PCDH9: variants seen among roughly 807,000 people sequenced by gnomAD.
PCDH9 encodes the protein protocadherin 9, also known as protocadherin-9.
PCDH9 carries 24 observed loss-of-function variants against 70.6 expected under a neutral mutation model. The ratio of observed to expected loss-of-function variants is 0.34; its 90% CI spans 0.25 to 0.48. The LOEUF (loss-of-function observed/expected upper bound fraction) is 0.48. Among genes scored for constraint, PCDH9 ranks in the 20% least tolerant of loss-of-function variants. PCDH9 has a pLI of 0.99. For synonymous variants in PCDH9, 562 were observed against 558.5 expected, an observed-to-expected ratio of 1.01 and a Z score of -0.09; for missense variants, 1,281 against 1,503.6, an observed-to-expected ratio of 0.85 and a Z score of 2.45.
chr13:66,431,555 T>C (rs1957770926), intron 4 of PCDH9, among the ~76,000 whole-genome samples: 1 of 152,082 alleles, frequency 6.6e-6, no homozygotes. Context: ...GCATCGTATC[T>C]AATTTGGCAG....
chr13:66,503,503 TTTC>T (rs1422658598), intron 4 of PCDH9, among the ~76,000 whole-genome samples: 1 of 152,224 alleles, frequency 6.6e-6, no homozygotes, highest in African/African-American at 2.4e-5. Flanking sequence ...GTGTTTATTT[TTTC>T]TTCTTTTAAT....
intron 2 of PCDH9, among the ~76,000 whole-genome samples, chr13:67,132,232 T>G (rs2087126795): frequency 6.6e-6 from 1 of 152,154 alleles, no homozygotes; most frequent in African/African-American, 2.4e-5. Flanking sequence ...CAATTTTCAT[T>G]TCTTCCCGAT....
chr13:67,084,997 A>AAAAATATAT (rs1566414172), intron 2 of PCDH9, among the ~76,000 whole-genome samples: 1 of 33,198 alleles, frequency 3.0e-5, no homozygotes, highest in African/African-American at 1.2e-4. Context: ...AAAAAAAAAA[A>AAAAATATAT]ATATATATAT....
At chr13:66,361,524 AT>A (rs1956470264) in intron 4 of PCDH9, among the ~76,000 whole-genome samples, 1 of 152,018 alleles carries the variant, frequency 6.6e-6, no homozygotes, top group African/African-American at 2.4e-5. Context: ...TCTGAACAGG[AT>A]TTTTTTTCTA....
chr13:66,601,771 A>G (rs1249354661), intron 4 of PCDH9, among the ~76,000 whole-genome samples: 1 of 145,948 alleles, frequency 6.9e-6, no homozygotes, highest in Non-Finnish European at 1.5e-5. Context: ...GGAACTGAGA[A>G]AATCCTATTG....
intron 2 of PCDH9, among the ~76,000 whole-genome samples, chr13:67,089,221 A>G (rs144532176): frequency 2.8e-3 from 425 of 152,206 alleles, no homozygotes; most frequent in African/African-American, 9.5e-3. Flanking sequence ...AGAGATTCAA[A>G]TATCACATTT....
intron 2 of PCDH9, among the ~76,000 whole-genome samples, chr13:66,979,093 C>T (rs940650101): frequency 1.3e-4 from 20 of 151,802 alleles, no homozygotes; most frequent in African/African-American, 2.9e-4. Context: ...TGTTTTGTTT[C>T]GACAAGTTAT....
chr13:66,844,006 A>G (rs936238345), intron 3 of PCDH9, among the ~76,000 whole-genome samples: 1 of 152,100 alleles, frequency 6.6e-6, no homozygotes, highest in Non-Finnish European at 1.5e-5. Context: ...TTCACTTTCT[A>G]ATACATTTTT....
intron 3 of PCDH9, among the ~76,000 whole-genome samples, chr13:66,673,439 AG>A (rs1423635804): frequency 3.9e-5 from 6 of 152,128 alleles, no homozygotes; most frequent in African/African-American, 9.7e-5. Flanking sequence ...ATTTCTTCAT[AG>A]CATTATGAAA....
intron 3 of PCDH9, among the ~76,000 whole-genome samples, chr13:66,661,135 T>C (rs972915262): frequency 1.1e-4 from 17 of 152,252 alleles, no homozygotes; most frequent in African/African-American, 4.1e-4. Context: ...GGTTTAGCAA[T>C]AGCCATAATT....
At chr13:66,706,890 G>A (rs2078718899) in intron 3 of PCDH9, among the ~76,000 whole-genome samples, 1 of 152,174 alleles carries the variant, frequency 6.6e-6, no homozygotes, top group South Asian at 2.1e-4. Context: ...CAGTCATGGA[G>A]ACTCCCATAT....
At chr13:66,897,450 T>G (rs1208454656) in intron 3 of PCDH9, among the ~76,000 whole-genome samples, 1 of 152,100 alleles carries the variant, frequency 6.6e-6, no homozygotes, top group Non-Finnish European at 1.5e-5. Context: ...TTAAGGAACA[T>G]ATTGATGGCC....
chr13:67,164,348 G>A (rs750178035), intron 2 of PCDH9, among the ~76,000 whole-genome samples: 24 of 152,182 alleles, frequency 1.6e-4, no homozygotes, highest in Non-Finnish European at 3.1e-4. Flanking sequence ...AGGCCGAGAT[G>A]GGTGGATCAC....
At chr13:66,498,118 C>A (rs1300139903) in intron 4 of PCDH9, among the ~76,000 whole-genome samples, 1 of 151,564 alleles carries the variant, frequency 6.6e-6, no homozygotes, top group East Asian at 1.9e-4. Flanking sequence ...CCACGCCCAG[C>A]CCAAACTCTT....
intron 2 of PCDH9, among the ~76,000 whole-genome samples, chr13:66,920,346 G>A (rs2082619309): frequency 6.6e-6 from 1 of 151,026 alleles, no homozygotes; most frequent in African/African-American, 2.4e-5. Context: ...CTAAACCTCA[G>A]GACCCTTATC....
chr13:66,790,959 A>C (rs1449569196), intron 3 of PCDH9, among the ~76,000 whole-genome samples: 1 of 152,148 alleles, frequency 6.6e-6, no homozygotes, highest in Non-Finnish European at 1.5e-5. Flanking sequence ...CATAACACAG[A>C]AAAGTTAATA....
At chr13:66,534,697 T>C (rs1422855791) in intron 4 of PCDH9, among the ~76,000 whole-genome samples, 1 of 152,150 alleles carries the variant, frequency 6.6e-6, no homozygotes, top group Non-Finnish European at 1.5e-5. Flanking sequence ...ATATTTTTCT[T>C]TAAGTTATGA....
intron 4 of PCDH9, among the ~76,000 whole-genome samples, chr13:66,406,826 T>C (rs959534706): frequency 7.9e-5 from 12 of 152,166 alleles, no homozygotes; most frequent in Admixed American, 1.3e-4. Flanking sequence ...TATATTAAAT[T>C]AATAAATGCC....
intron 4 of PCDH9, among the ~76,000 whole-genome samples, chr13:66,408,587 C>A (rs1652189847): frequency 6.6e-6 from 1 of 152,180 alleles, no homozygotes; most frequent in Non-Finnish European, 1.5e-5. Flanking sequence ...GTAGAACCTA[C>A]TATAAACATT....
Sources: allele counts gnomAD v4.1 joint callset (sites outside exome capture counted in the v4.1 genomes callset), GRCh38; gene constraint gnomAD v4.1.1; transcripts MANE v1.5; gene names NCBI Gene and HGNC (gene_info 2026-07-23, HGNC 2026-07-21).